Variants in CHCHD3 observed in about 807,000 individuals in gnomAD.
CHCHD3 encodes the protein MICOS complex subunit MIC19.
CHCHD3 carries 20 observed loss-of-function variants against 38.2 expected under a neutral mutation model. The observed-to-expected ratio is 0.52, with a 90% CI of 0.37 to 0.76. The LOEUF is 0.76. Among genes scored for constraint, CHCHD3 ranks in the 30% least tolerant of loss-of-function variants. CHCHD3 has a pLI of 0.00. For synonymous variants in CHCHD3, 82 were observed against 100.0 expected, an observed-to-expected ratio of 0.82 and a Z score of 1.07; for missense variants, 245 against 279.2, an observed-to-expected ratio of 0.88 and a Z score of 0.87.
intron 4 of CHCHD3, among the ~76,000 whole-genome samples, chr7:132,926,422 T>G (rs1317417774): frequency 2.6e-5 from 4 of 152,176 alleles, no homozygotes; most frequent in African/African-American, 4.8e-5. Flanking sequence ...CATTAGAATA[T>G]AGATCCTGGA....
chr7:133,019,626 T>C (rs1270619643), intron 3 of CHCHD3, among the ~76,000 whole-genome samples: 1 of 152,198 alleles, frequency 6.6e-6, no homozygotes, highest in Non-Finnish European at 1.5e-5. Context: ...TCTCAACTAA[T>C]GTCCATTGAA....
At chr7:132,809,832 G>C (rs940470256) in intron 6 of CHCHD3, among the ~76,000 whole-genome samples, 1 of 152,028 alleles carries the variant, frequency 6.6e-6, no homozygotes, top group South Asian at 2.1e-4. Flanking sequence ...TCTTGGATAA[G>C]GGCACTATCT....
chr7:132,814,676 G>A (rs534835340), intron 6 of CHCHD3, among the ~76,000 whole-genome samples: 1 of 152,340 alleles, frequency 6.6e-6, no homozygotes, highest in East Asian at 1.9e-4. Flanking sequence ...TAAAATCACA[G>A]TATGTGTGGA....
intron 2 of CHCHD3, among the ~76,000 whole-genome samples, chr7:133,027,630 G>C (rs1014552339): frequency 1.3e-5 from 2 of 151,988 alleles, no homozygotes; most frequent in Non-Finnish European, 2.9e-5. Context: ...GGGTGTTTAG[G>C]GACCCTTCCA....
rs1423731453 is a variant in CHCHD3, at chr7:133,022,502, GA to G, written c.251+2043del. 1.5e-5 allele frequency: 7 copies of G among 455,848 alleles called. No individual in the cohort carries two copies. In the East Asian group the frequency reaches 2.8e-4, roughly 18 times the overall value. The allele number at this position is 455,848 out of a possible 1,614,324, so 28.2% of individuals were successfully genotyped here. A position where few individuals can be genotyped will look rare whatever the true frequency, so the allele number is the denominator to read the frequency against. ...TGTTTCTGAAGTTTCTTCTCTGGTA[GA>G]AAAAAAGAAAGAAAAATATAGCTAT... On this transcript the variant is annotated intron_variant, in intron 3 of 7. Coordinates refer to ENST00000262570, the MANE Select transcript of CHCHD3 (RefSeq NM_017812.4).
At chr7:133,042,924 C>G (rs376065590) in intron 2 of CHCHD3, among the ~76,000 whole-genome samples, 3 of 152,236 alleles carry the variant, frequency 2.0e-5, no homozygotes, top group African/African-American at 7.2e-5. Context: ...TGGAGCCTAG[C>G]AGCACAAACA....
At chr7:132,859,966 A>C (rs980876770) in intron 5 of CHCHD3, among the ~76,000 whole-genome samples, 1 of 152,120 alleles carries the variant, frequency 6.6e-6, no homozygotes, top group Non-Finnish European at 1.5e-5. Context: ...GAAACACCTA[A>C]AATTTAAATT....
At position 133,035,126 on chromosome 7, in the gene CHCHD3, T is replaced by C. The variant is rs555020843; in HGVS notation, c.170-10499A>G. On this transcript the variant is annotated intron_variant, in intron 2 of 7. Transcript: ENST00000262570. This position sits in a 1 kb window ranked among gnomAD's most constrained non-coding sequence, Gnocchi z 4.7. ...GCTCAGCAGCCAGCGCCTGCTCACATTCATCCATCTCCTCCTCAGGAGCAG... is the reference window on the plus strand; with the variant it reads ...GCTCAGCAGCCAGCGCCTGCTCACACTCATCCATCTCCTCCTCAGGAGCAG... 2 of 1,613,682 alleles carry C rather than the reference T, an allele frequency of 1.2e-6. No homozygotes were observed. The highest frequency in any genetic ancestry group is 3.3e-5 in the Admixed American group (2 of 60,014).
chr7:132,871,044 T>C (rs1047550413), intron 5 of CHCHD3, among the ~76,000 whole-genome samples: 4 of 152,238 alleles, frequency 2.6e-5, no homozygotes, highest in Non-Finnish European at 4.4e-5. Flanking sequence ...TGTTTTATTG[T>C]CTGGCAAGAC....
chr7:132,947,586 AAAG>A (rs1445455626), intron 4 of CHCHD3, among the ~76,000 whole-genome samples: 3 of 152,046 alleles, frequency 2.0e-5, no homozygotes. Flanking sequence ...ACAGACATTG[AAAG>A]ACTCAAATGT....
At chr7:132,849,118 T>C (rs1488179587) in intron 5 of CHCHD3, 1 of 152,192 alleles carries the variant, frequency 6.6e-6, no homozygotes, top group African/African-American at 2.4e-5. Context: ...AGTGGGACTA[T>C]GTAAGTTCAG....
chr7:132,999,789 T>C (rs1007580271), intron 3 of CHCHD3, among the ~76,000 whole-genome samples: 7 of 152,186 alleles, frequency 4.6e-5, no homozygotes, highest in African/African-American at 7.2e-5. Context: ...CATATTTTGA[T>C]AGTTCACAAA....
chr7:133,008,686 T>C (rs988796812), intron 3 of CHCHD3, among the ~76,000 whole-genome samples: 1 of 152,200 alleles, frequency 6.6e-6, no homozygotes, highest in African/African-American at 2.4e-5. Context: ...TGTAGGCTTA[T>C]GTCAGTAAAC....
At chr7:132,888,213 G>C (rs911073264) in intron 4 of CHCHD3, among the ~76,000 whole-genome samples, 4 of 151,850 alleles carry the variant, frequency 2.6e-5, no homozygotes, top group Non-Finnish European at 4.4e-5. Context: ...AATGTCAACA[G>C]AGGTTACAGC....
rs12671660 is a variant in CHCHD3, at chr7:133,035,367, C to G, written c.170-10740G>C. On this transcript the variant is annotated intron_variant, in intron 2 of 7. Coordinates refer to ENST00000262570, the MANE Select transcript of CHCHD3 (RefSeq NM_017812.4). This position sits in a 1 kb window ranked among gnomAD's most constrained non-coding sequence, Gnocchi z 4.7. ...GGTGAGGAACCAGCGGTTGGTATTG[C>G]GAAAGGCCCGGCGGAAAGAAGGCTC... 3 of 1,612,680 alleles carry G rather than the reference C, an allele frequency of 1.9e-6. No individual in the cohort carries two copies. The highest frequency in any genetic ancestry group is 1.1e-5 in the South Asian group (1 of 91,062).
intron 5 of CHCHD3, chr7:132,849,471 C>A (rs1316721920): frequency 6.6e-6 from 1 of 152,144 alleles, no homozygotes; most frequent in African/African-American, 2.4e-5. Context: ...TTTTTCAAAT[C>A]CATATCACCA....
chr7:133,047,813 C>A (rs900536642), intron 2 of CHCHD3, among the ~76,000 whole-genome samples: 1 of 152,118 alleles, frequency 6.6e-6, no homozygotes, highest in African/African-American at 2.4e-5. Context: ...CAGGGCCAGG[C>A]GCGGTGGCTC....
intron 2 of CHCHD3, among the ~76,000 whole-genome samples, chr7:133,027,158 C>T (rs376025564): frequency 1.1e-4 from 17 of 151,898 alleles, no homozygotes; most frequent in Admixed American, 2.0e-4. Context: ...AGGCTGGTCT[C>T]GAACTCCTGA....
At position 132,985,710 on chromosome 7, in the gene CHCHD3, C is replaced by T. The variant is rs1241348274; in HGVS notation, c.252-10424G>A. On this transcript the variant is annotated intron_variant, in intron 3 of 7. Coordinates refer to ENST00000262570, the MANE Select transcript of CHCHD3 (RefSeq NM_017812.4). Reference sequence around the variant, plus strand: ...GGGGTCAGCCCCCCGCCCGGCCAGCCGCCCCATCCGGGAGGGAGGAGGGGA... The same window carrying T: ...GGGGTCAGCCCCCCGCCCGGCCAGCTGCCCCATCCGGGAGGGAGGAGGGGA... Among the ~76,000 whole-genome samples the T allele has an allele frequency of 6.4e-5, 6 of 93,466 alleles. No homozygotes were observed. The South Asian group carries it at 1.0e-3, about 16-fold the overall frequency. The allele number at this position is 93,466 out of a possible 152,430, so 61.3% of individuals were successfully genotyped here. A position where few individuals can be genotyped will look rare whatever the true frequency, so the allele number is the denominator to read the frequency against.
Sources: allele counts gnomAD v4.1 joint callset (sites outside exome capture counted in the v4.1 genomes callset), GRCh38; gene constraint gnomAD v4.1.1; non-coding constraint Gnocchi (gnomAD v3.1); transcripts MANE v1.5; gene names NCBI Gene and HGNC (gene_info 2026-07-23, HGNC 2026-07-21).